Variants in FHIP1B observed in about 807,000 individuals in gnomAD.
FHIP1B encodes the protein FHF complex subunit HOOK interacting protein 1B.
Under a neutral mutation model 82.2 loss-of-function variants are expected in FHIP1B, and 28 were observed. That is an observed-to-expected ratio of 0.34 (90% CI 0.25 to 0.47). The LOEUF is 0.47. Among genes scored for constraint, FHIP1B ranks in the 20% least tolerant of loss-of-function variants. FHIP1B has a pLI of 1.00. For synonymous variants in FHIP1B, 585 were observed against 516.1 expected (o/e 1.13, Z -1.81); for missense variants, 1,110 against 1,262.6 (o/e 0.88, Z 1.83).
chr11:6,211,929 G>A (rs1270971872), intron 11 of FHIP1B, 62 bp from the exon 12 acceptor site: 9 of 1,484,658 alleles, frequency 6.1e-6, no homozygotes, highest in Non-Finnish European at 6.2e-6. Flanking sequence ...TGGACTGAGA[G>A]GGGAGATTCC....
At chr11:6,228,691 G>T (rs1293699681) in intron 1 of FHIP1B, among the ~76,000 whole-genome samples, 1 of 152,156 alleles carries the variant, frequency 6.6e-6, no homozygotes. Flanking sequence ...TCACTCACTA[G>T]AAGAATGGGG....
chr11:6,224,261 G>A lies in FHIP1B; in HGVS notation c.139-13C>T. 1 of 1,612,356 alleles carries A rather than the reference G, an allele frequency of 6.2e-7. No individual in the cohort carries two copies. The highest frequency in any genetic ancestry group is 1.3e-5 in the African/African-American group (1 of 74,986). On this transcript the variant is annotated splice_polypyrimidine_tract_variant and intron_variant, in intron 2 of 11. Transcript: ENST00000449352. ...GGATTCGCACCACCTAGGGAAAAAG[G>A]ACAGAAGATGGAAGGAATCTAAATT...
chr11:6,232,229 T>C (rs1260230122), intron 1 of FHIP1B, among the ~76,000 whole-genome samples: 1 of 151,986 alleles, frequency 6.6e-6, no homozygotes, highest in Non-Finnish European at 1.5e-5. Context: ...CCAAATCCAG[T>C]GCTTTCTCCA....
At chr11:6,218,467 C>G in intron 8 of FHIP1B, 133 bp downstream of exon 8, 4 of 1,389,256 alleles carry the variant, frequency 2.9e-6, no homozygotes, top group Admixed American at 2.0e-5. Flanking sequence ...CCCTCATCAA[C>G]CTCCCCAAAG....
Position 6,223,242 on chromosome 11 carries a change from TG to T in FHIP1B, c.778-5del. On this transcript the variant is annotated splice_polypyrimidine_tract_variant and splice_region_variant and intron_variant, in intron 3 of 11. Transcript: ENST00000449352. The surrounding 1 kb of genome is among the most constrained non-coding windows in gnomAD (Gnocchi z 4.8). Reference sequence around the variant, plus strand: ...CACTGAGCCCTGTGGCCAGCACCTATGAGAAGTTACCAAAAGCTCATATATA... The same window carrying T: ...CACTGAGCCCTGTGGCCAGCACCTATAGAAGTTACCAAAAGCTCATATATA... The T allele has an allele frequency of 6.3e-7, 1 of 1,583,022 alleles. No individual in the cohort carries two copies. The highest frequency in any genetic ancestry group is 8.5e-7 in the Non-Finnish European group (1 of 1,172,748).
intron 11 of FHIP1B, among the ~76,000 whole-genome samples, chr11:6,213,956 A>C (rs1456011365): frequency 6.7e-6 from 1 of 149,698 alleles, no homozygotes; most frequent in Non-Finnish European, 1.5e-5. Context: ...CTCCAGCCAA[A>C]TCTCTCCAGC....
chr11:6,212,847 C>T (rs979187782), intron 11 of FHIP1B, among the ~76,000 whole-genome samples: 1 of 152,186 alleles, frequency 6.6e-6, no homozygotes, highest in Non-Finnish European at 1.5e-5. Flanking sequence ...TCTTGGAACC[C>T]TTCAGGCACT....
chr11:6,214,959 T>C (rs369905777), intron 9 of FHIP1B, 48 bp from the exon 10 acceptor site: 3 of 1,477,134 alleles, frequency 2.0e-6, no homozygotes, highest in Admixed American at 2.4e-5. Flanking sequence ...CTGAACACAA[T>C]GCACATCGCA....
chr11:6,212,429 T>C (rs1847098789), intron 11 of FHIP1B, among the ~76,000 whole-genome samples: 1 of 152,156 alleles, frequency 6.6e-6, no homozygotes, highest in Admixed American at 6.5e-5. Context: ...ATATATGCAA[T>C]TATAGTTCAG....
intron 1 of FHIP1B, among the ~76,000 whole-genome samples, chr11:6,228,305 G>A (rs553740273): frequency 8.6e-5 from 13 of 152,006 alleles, no homozygotes; most frequent in East Asian, 1.9e-4. Flanking sequence ...AGCCAAGATC[G>A]CACCATTGCA....
intron 11 of FHIP1B, 191 bp from the exon 12 acceptor site, chr11:6,212,058 T>C (rs928551809): frequency 1.4e-6 from 1 of 720,642 alleles, no homozygotes; most frequent in Non-Finnish European, 1.7e-6. Context: ...AAGTTGACTC[T>C]GAGGAGTAGA....
Position 6,224,551 on chromosome 11 carries a change from T to TA in FHIP1B, c.-36dup. The stretch of plus-strand genomic sequence containing the variant: ...TGGGCAGGACTGGCAGCCAGAGGCC[T>TA]ACACTCTGAGGATTTGCCAGCTGGA... On this transcript the variant is annotated 5_prime_UTR_variant, in exon 2 of 12. Coordinates refer to ENST00000449352, the MANE Select transcript of FHIP1B (RefSeq NM_001098794.2). 6.4e-7 allele frequency: 1 copy of TA among 1,571,268 alleles called. No individual in the cohort carries two copies. Among genetic ancestry groups the TA allele is most frequent in the Non-Finnish European group, 8.6e-7 (1 of 1,162,014 alleles).
intron 8 of FHIP1B, 22 bp downstream of exon 8, chr11:6,218,578 C>T: frequency 6.2e-7 from 1 of 1,613,972 alleles, no homozygotes; most frequent in Non-Finnish European, 8.5e-7. Flanking sequence ...CTCCCTTCTC[C>T]CTGTCTCTCT....
chr11:6,220,147 T>C (rs918016926), intron 6 of FHIP1B, among the ~76,000 whole-genome samples: 2 of 152,124 alleles, frequency 1.3e-5, no homozygotes, highest in Non-Finnish European at 2.9e-5. Context: ...ATCCTAGATA[T>C]CCACAGATAA....
rs775067013 is a variant in FHIP1B, at chr11:6,214,724, A to G, written c.2394+9T>C. On this transcript the variant is annotated intron_variant, in intron 10 of 11. Transcript: ENST00000449352. Reference sequence around the variant, plus strand: ...CCTGGACGCACCCATGCATGCATGCATCGCACACCTGCAGCAGGGACTTGA... The same window carrying G: ...CCTGGACGCACCCATGCATGCATGCGTCGCACACCTGCAGCAGGGACTTGA... The G allele has an allele frequency of 1.9e-6, 3 of 1,564,290 alleles. No homozygotes were observed. Among genetic ancestry groups the G allele is most frequent in the South Asian group, 1.2e-5 (1 of 83,674 alleles).
chr11:6,222,706 G>A (rs1847446431), intron 5 of FHIP1B, 97 bp from the exon 6 acceptor site: 2 of 1,555,530 alleles, frequency 1.3e-6, no homozygotes, highest in Admixed American at 3.3e-5. Context: ...AGCAGACAGG[G>A]CAAAAGGGAG....
chr11:6,227,536 T>G (rs1048420303), intron 1 of FHIP1B, among the ~76,000 whole-genome samples: 3 of 152,066 alleles, frequency 2.0e-5, no homozygotes, highest in Non-Finnish European at 2.9e-5. Flanking sequence ...AGAAAAGAGG[T>G]TGAGTACAGT....
rs1220913850 is a variant in FHIP1B at position 6,216,938 on chromosome 11, C to G, written c.2215+433G>C. On this transcript the variant is annotated intron_variant, in intron 9 of 11. Coordinates refer to ENST00000449352, the MANE Select transcript of FHIP1B (RefSeq NM_001098794.2). The stretch of plus-strand genomic sequence containing the variant: ...GAGAGCTGACAGAAAACCCAAGACC[C>G]AGACAGATAAACTGGACGGAATGGC... 1.5e-5 allele frequency: 9 copies of G among 617,208 alleles called. No homozygotes were observed. The African/African-American group carries it at 1.5e-4, about 10-fold the overall frequency. 38.2% of individuals were successfully genotyped at this position (617,208 alleles called of 1,614,324 possible).
chr11:6,221,745 G>A (rs1385761166), intron 6 of FHIP1B, among the ~76,000 whole-genome samples: 1 of 152,108 alleles, frequency 6.6e-6, no homozygotes, highest in Non-Finnish European at 1.5e-5. Flanking sequence ...TCTCTTCAGA[G>A]AGGTCTTCCT....
Sources: gnomAD v4.1 joint callset for allele counts (sites outside exome capture counted in the v4.1 genomes callset) on GRCh38, gnomAD v4.1.1 for gene constraint, Gnocchi (gnomAD v3.1) non-coding constraint, MANE v1.5 for transcripts, NCBI Gene and HGNC (gene_info 2026-07-23, HGNC 2026-07-21) for gene names.